Variants in TIFA observed in about 807,000 individuals in gnomAD.
TIFA encodes the protein TRAF interacting protein with forkhead associated domain.
For synonymous variants in TIFA, 75 were observed against 79.2 expected, an observed-to-expected ratio of 0.95 and a Z score of 0.28; for missense variants, 186 against 215.2, an observed-to-expected ratio of 0.86 and a Z score of 0.85.
At chr4:112,279,149 TG>T in intron 1 of TIFA, among the ~76,000 whole-genome samples, 1 of 152,368 alleles carries the variant, frequency 6.6e-6, no homozygotes, top group East Asian at 1.9e-4. Flanking sequence ...TATTTATTTT[TG>T]TCAGTGGTAC....
In TIFA at chr4:112,277,934, C is replaced by T. The variant is rs373610356; in HGVS notation, c.483G>A (p.Pro161=). The T allele has an allele frequency of 4.3e-5, 70 of 1,613,810 alleles. No individual in the cohort carries two copies. Among genetic ancestry groups the T allele is most frequent in the South Asian group, 2.5e-4 (23 of 91,046 alleles). Residue 161 remains proline, a synonymous_variant, in exon 2 of 2, where the codon CCG becomes CCA. Transcript: ENST00000361717. ...ENNWPPHRPI[P]EYGTYSLCSS... is the part of the protein sequence containing the mutation. ...AGCAGAGCGAATAAGTGCCATACTC[C>T]GGTATGGGCCTGTGTGGTGGCCAGT... is the stretch of plus-strand genomic sequence containing the variant.
chr4:112,277,670 T>TCTCGGTGGTAG lies in TIFA; in HGVS notation c.*191_*192insCTACCACCGAG. On this transcript the variant is annotated 3_prime_UTR_variant, in exon 2 of 2. Coordinates refer to ENST00000361717, the MANE Select transcript of TIFA (RefSeq NM_052864.3). ...AGCAGTTAAAATAATTTTGTGTAGA[T>TCTCGGTGGTAG]CCAGAATACAACAGGTGACTAAGTT... is the stretch of plus-strand genomic sequence containing the variant. The TCTCGGTGGTAG allele has an allele frequency of 7.0e-6, 3 of 428,594 alleles. No homozygotes were observed. Among genetic ancestry groups the TCTCGGTGGTAG allele is most frequent in the South Asian group, 6.1e-5 (1 of 16,322 alleles). 26.5% of individuals were successfully genotyped at this position (428,594 alleles called of 1,614,324 possible). A position where few individuals can be genotyped will look rare whatever the true frequency, so the allele number is the denominator to read the frequency against.
rs1727140643 is a variant in TIFA at position 112,277,658 on chromosome 4, ATT to A, written c.*202_*203del. ...CAGATTAATAAGAGCAGTTAAAATAATTTTGTGTAGATCCAGAATACAACAGG... is the reference window on the plus strand; with the variant it reads ...CAGATTAATAAGAGCAGTTAAAATAATTGTGTAGATCCAGAATACAACAGG... On this transcript the variant is annotated 3_prime_UTR_variant, in exon 2 of 2. Transcript: ENST00000361717. 2.5e-6 allele frequency: 1 copy of A among 392,748 alleles called. No homozygotes were observed. The highest frequency in any genetic ancestry group is 4.5e-6 in the Non-Finnish European group (1 of 224,162). 24.3% of individuals were successfully genotyped at this position (392,748 alleles called of 1,614,324 possible).
intron 1 of TIFA, among the ~76,000 whole-genome samples, chr4:112,281,216 C>T (rs565072940): frequency 1.0e-3 from 152 of 152,282 alleles, no homozygotes; most frequent in Non-Finnish European, 1.7e-3. Flanking sequence ...GGACTTCAGG[C>T]GATAAGAATT....
chr4:112,283,902 G>A (rs1727269821), intron 1 of TIFA, among the ~76,000 whole-genome samples: 1 of 152,156 alleles, frequency 6.6e-6, no homozygotes, highest in Non-Finnish European at 1.5e-5. Flanking sequence ...GACAGTGGTT[G>A]GAGATTAGCA....
At chr4:112,285,279 G>GGGGGA (rs1203459739) in intron 1 of TIFA, among the ~76,000 whole-genome samples, 1 of 151,690 alleles carries the variant, frequency 6.6e-6, no homozygotes, top group Non-Finnish European at 1.5e-5. Flanking sequence ...GTTGGCAAGC[G>GGGGGA]GGGGAGGGGG....
intron 1 of TIFA, among the ~76,000 whole-genome samples, chr4:112,283,669 G>C (rs763253861): frequency 1.1e-4 from 17 of 152,250 alleles, no homozygotes; most frequent in Admixed American, 9.8e-4. Context: ...TCTGTTAGTC[G>C]TAAGTTATCA....
chr4:112,285,501 T>G (rs1184074769), intron 1 of TIFA, 139 bp downstream of exon 1: 1 of 152,222 alleles, frequency 6.6e-6, no homozygotes, highest in Non-Finnish European at 1.5e-5. Flanking sequence ...GGTGAGCGTG[T>G]GCCAGGTGAG....
intron 1 of TIFA, 103 bp from the exon 2 acceptor site, chr4:112,278,537 G>A: frequency 1.1e-6 from 1 of 899,006 alleles, no homozygotes; most frequent in Non-Finnish European, 1.6e-6. Flanking sequence ...CAATTTATCT[G>A]GACTTTAAGA....
chr4:112,284,770 C>T (rs1368599798), intron 1 of TIFA, among the ~76,000 whole-genome samples: 1 of 152,122 alleles, frequency 6.6e-6, no homozygotes, highest in East Asian at 1.9e-4. Context: ...ACCAAGTTAT[C>T]CTCCTGTCTA....
At chr4:112,284,194 G>A (rs1434901303) in intron 1 of TIFA, among the ~76,000 whole-genome samples, 1 of 151,996 alleles carries the variant, frequency 6.6e-6, no homozygotes, top group Non-Finnish European at 1.5e-5. Flanking sequence ...CGAGGGCAAG[G>A]CTTCTGACTC....
Position 112,275,420 on chromosome 4 carries a change from C to T in TIFA, c.*2442G>A, listed in dbSNP as rs972212434. 1 of 152,158 alleles carries T rather than the reference C, an allele frequency of 6.6e-6. No homozygotes were observed. Among genetic ancestry groups the T allele is most frequent in the African/African-American group, 2.4e-5 (1 of 41,432 alleles). 9.4% of individuals were successfully genotyped at this position (152,158 alleles called of 1,614,324 possible). A position where few individuals can be genotyped will look rare whatever the true frequency, so the allele number is the denominator to read the frequency against. On this transcript the variant is annotated 3_prime_UTR_variant, in exon 2 of 2. Coordinates refer to ENST00000361717, the MANE Select transcript of TIFA (RefSeq NM_052864.3). ...TATGGTAGCTTTCCTCTAACAACCC[C>T]GCTTTGGGGTTGGGTAGCTCAGGCA...
At position 112,283,719 on chromosome 4, in the gene TIFA, T is replaced by C. The variant is rs954265466; in HGVS notation, c.-19+1921A>G. 4.6e-5 allele frequency among the ~76,000 whole-genome samples: 7 copies of C among 152,332 alleles called. 1 individual carries two copies. In the East Asian group the frequency reaches 7.7e-4, roughly 17 times the overall value. ...CAATGATTTTATATAGTGATAACAATGGTTACCTCTGGAGACAGAAACTGG... is the reference window on the plus strand; with the variant it reads ...CAATGATTTTATATAGTGATAACAACGGTTACCTCTGGAGACAGAAACTGG... On this transcript the variant is annotated intron_variant, in intron 1 of 1. Transcript: ENST00000361717.
chr4:112,281,736 T>C (rs1430545398), intron 1 of TIFA: 3 of 151,550 alleles, frequency 2.0e-5, no homozygotes, highest in Non-Finnish European at 4.4e-5. Flanking sequence ...CTTTCTTTTG[T>C]CAAAACATCA....
rs1369719946 is a variant in TIFA at position 112,275,187 on chromosome 4, C to T, written c.*2675G>A. ...TATAATGTGACTGCGTTACCTGAGACAAGTTGATTGGTGAAGGGGTGGGCA... is the reference window on the plus strand; with the variant it reads ...TATAATGTGACTGCGTTACCTGAGATAAGTTGATTGGTGAAGGGGTGGGCA... On this transcript the variant is annotated 3_prime_UTR_variant, in exon 2 of 2. Transcript: ENST00000361717. The T allele has an allele frequency of 6.6e-6, 1 of 151,830 alleles. No individual in the cohort carries two copies. Among genetic ancestry groups the T allele is most frequent in the Non-Finnish European group, 1.5e-5 (1 of 68,028 alleles). The allele number at this position is 151,830 out of a possible 1,614,324, so 9.4% of individuals were successfully genotyped here. A position where few individuals can be genotyped will look rare whatever the true frequency, so the allele number is the denominator to read the frequency against.
chr4:112,284,497 G>GC (rs1464409597), intron 1 of TIFA, among the ~76,000 whole-genome samples: 1 of 152,178 alleles, frequency 6.6e-6, no homozygotes, highest in Non-Finnish European at 1.5e-5. Context: ...GGTCATGCAT[G>GC]CCAACCAGAT....
In TIFA at chr4:112,277,672, C is replaced by CGGTTAT; in HGVS notation, c.*189_*190insATAACC. 3.1e-6 allele frequency: 1 copy of CGGTTAT among 322,362 alleles called. No homozygotes were observed. The highest frequency in any genetic ancestry group is 1.0e-4 in the South Asian group (1 of 9,936). 20.0% of individuals were successfully genotyped at this position (322,362 alleles called of 1,614,324 possible). On this transcript the variant is annotated 3_prime_UTR_variant, in exon 2 of 2. Transcript: ENST00000361717. ...CAGTTAAAATAATTTTGTGTAGATC[C>CGGTTAT]AGAATACAACAGGTGACTAAGTTAA...
In TIFA at chr4:112,277,773, A is replaced by G. The variant is rs901022945; in HGVS notation, c.*89T>C. ...TCACAGCATAACAGATGACTATAAT[A>G]TACTACCCTAATCAACTCTTATTTA... On this transcript the variant is annotated 3_prime_UTR_variant, in exon 2 of 2. Coordinates refer to ENST00000361717, the MANE Select transcript of TIFA (RefSeq NM_052864.3). 4.0e-5 allele frequency: 52 copies of G among 1,310,134 alleles called. No individual in the cohort carries two copies. The highest frequency in any genetic ancestry group is 5.1e-5 in the Non-Finnish European group (50 of 978,588). The allele number at this position is 1,310,134 out of a possible 1,614,324, so 81.2% of individuals were successfully genotyped here.
intron 1 of TIFA, among the ~76,000 whole-genome samples, chr4:112,278,649 TC>T (rs1484150150): frequency 6.6e-6 from 1 of 152,230 alleles, no homozygotes; most frequent in Non-Finnish European, 1.5e-5. Flanking sequence ...CTTTTTCATT[TC>T]TAGTTTGACT....
Sources: gnomAD v4.1 joint callset for allele counts (sites outside exome capture counted in the v4.1 genomes callset) on GRCh38, gnomAD v4.1.1 for gene constraint, MANE v1.5 for transcripts, NCBI Gene and HGNC (gene_info 2026-07-23, HGNC 2026-07-21) for gene names.